ZNF112: variants seen among roughly 807,000 people sequenced by gnomAD.
ZNF112 encodes the protein zinc finger protein 112.
A neutral mutation model predicts 77.7 loss-of-function variants in ZNF112; 37 were observed. The observed-to-expected ratio is 0.48, with a 90% CI of 0.37 to 0.63. ZNF112 has a LOEUF of 0.63. Among genes scored for constraint, ZNF112 ranks in the 20% least tolerant of loss-of-function variants. The pLI is 0.00. For synonymous variants in ZNF112, 333 were observed against 363.6 expected, an observed-to-expected ratio of 0.92 and a Z score of 0.96; for missense variants, 950 against 1,077.4, an observed-to-expected ratio of 0.88 and a Z score of 1.66.
At chr19:44,346,654 T>G (rs1390910647) in intron 1 of ZNF112, among the ~76,000 whole-genome samples, 1 of 152,162 alleles carries the variant, frequency 6.6e-6, no homozygotes, top group East Asian at 1.9e-4. Context: ...CTCACTGAGT[T>G]GAAGGTCCCC....
At chr19:44,367,097 T>C (rs996811880) in exon 1 of ZNF112, 2 of 456,090 alleles carry the variant, frequency 4.4e-6, no homozygotes, top group Non-Finnish European at 8.8e-6. Context: ...CCCAACCCCA[T>C]CTTCCACTGC....
intron 3 of ZNF112, among the ~76,000 whole-genome samples, chr19:44,335,904 A>G (rs1970356496): frequency 6.6e-6 from 1 of 152,224 alleles, no homozygotes; most frequent in African/African-American, 2.4e-5. Context: ...AACTATCAAA[A>G]TGTTTGGATT....
At chr19:44,354,319 T>C (rs1970746734) in intron 1 of ZNF112, among the ~76,000 whole-genome samples, 2 of 152,130 alleles carry the variant, frequency 1.3e-5, no homozygotes, top group Non-Finnish European at 2.9e-5. Flanking sequence ...TGTGTTGTAA[T>C]AGAATTGTAT....
At chr19:44,362,030 A>C (rs760453329) in intron 1 of ZNF112, among the ~76,000 whole-genome samples, 2 of 152,226 alleles carry the variant, frequency 1.3e-5, no homozygotes, top group Non-Finnish European at 2.9e-5. Context: ...TTCAGAACTT[A>C]GAGGGAAGGG....
intron 1 of ZNF112, among the ~76,000 whole-genome samples, chr19:44,366,540 C>G (rs554686299): frequency 6.6e-6 from 1 of 152,284 alleles, no homozygotes; most frequent in East Asian, 1.9e-4. Flanking sequence ...GTCATTCTTT[C>G]CTCATTCCTG....
At chr19:44,349,907 T>G (rs570660360) in intron 1 of ZNF112, among the ~76,000 whole-genome samples, 2 of 152,178 alleles carry the variant, frequency 1.3e-5, no homozygotes, top group South Asian at 2.1e-4. Flanking sequence ...TTTATTTGGC[T>G]CTTGATTTCA....
Position 44,327,888 on chromosome 19 carries a change from G to A in ZNF112, c.2269C>T (p.Arg757Cys), listed in dbSNP as rs374585313. The change falls in exon 4 of 4, where the codon CGC (arginine) becomes TGC (cysteine). Residue 757 changes from arginine (R) to cysteine (C), a missense_variant. Arg to Cys is a radical substitution (Grantham distance 180, BLOSUM62 -3). This residue lies in a region of ZNF112 where 373 missense variants were observed against 482.8 expected (regional missense o/e 0.77). Transcript: ENST00000354340. Reference sequence around the variant, plus strand: ...TGAACCCTCCGATGTGCTTCAAGGCGCGAACTCTGACTAAAGCCCTTCCCA... The same window carrying A: ...TGAACCCTCCGATGTGCTTCAAGGCACGAACTCTGACTAAAGCCCTTCCCA... ...MCGKGFSQSS[R>C]LEAHRRVHTG... 25 of 1,612,748 alleles carry A rather than the reference G, an allele frequency of 1.6e-5. No homozygotes were observed. Among genetic ancestry groups the A allele is most frequent in the South Asian group, 3.3e-5 (3 of 91,004 alleles).
At position 44,367,162 on chromosome 19, in the gene ZNF112, A is replaced by G; in HGVS notation, c.-65T>C. 4 of 456,116 alleles carry G rather than the reference A, an allele frequency of 8.8e-6. No homozygotes were observed. In the Admixed American group the frequency reaches 9.4e-5, roughly 11 times the overall value. The allele number at this position is 456,116 out of a possible 1,614,324, so 28.3% of individuals were successfully genotyped here. A position where few individuals can be genotyped will look rare whatever the true frequency, so the allele number is the denominator to read the frequency against. On this transcript the variant is annotated 5_prime_UTR_variant, in exon 1 of 5. Transcript: ENST00000588057. ...GAGGGCCGCCGCCAGGCTAAACGAA[A>G]CATTGCTGTCTCAGGCCTCACTCAA...
At chr19:44,355,193 TA>T (rs781124769) in intron 1 of ZNF112, among the ~76,000 whole-genome samples, 74 of 152,240 alleles carry the variant, frequency 4.9e-4, no homozygotes, top group Non-Finnish European at 4.4e-4. Context: ...ATTTCCATAG[TA>T]AAAACTTAAG....
chr19:44,357,331 A>T (rs533271008), upstream of ZNF112, among the ~76,000 whole-genome samples: 38 of 152,334 alleles, frequency 2.5e-4, no homozygotes, highest in African/African-American at 8.4e-4. Flanking sequence ...ATACAGGAAG[A>T]AAAAAGAAAA....
chr19:44,335,297 A>G (rs915939554), intron 3 of ZNF112, among the ~76,000 whole-genome samples: 1 of 152,210 alleles, frequency 6.6e-6, no homozygotes, highest in African/African-American at 2.4e-5. Context: ...CTGTAGCCCC[A>G]TTGTATCTTG....
At chr19:44,352,876 A>G (rs1365386205) in intron 1 of ZNF112, among the ~76,000 whole-genome samples, 1 of 152,126 alleles carries the variant, frequency 6.6e-6, no homozygotes, top group Non-Finnish European at 1.5e-5. Context: ...GGGACATGTT[A>G]TATCAATGAA....
At chr19:44,359,355 G>A (rs1422434758), upstream of ZNF112, among the ~76,000 whole-genome samples, 3 of 106,212 alleles carry the variant, frequency 2.8e-5, no homozygotes, top group Non-Finnish European at 5.1e-5. Context: ...TGAGAGTCTC[G>A]CTCTGTTCCC....
Position 44,340,559 on chromosome 19 carries a change from A to C in ZNF112, c.-3-17T>G. ...CACCATCTCCTACAATGCCAAACAC[A>C]TGCACACTAAGTTTACAGAAGAAGG... On this transcript the variant is annotated splice_polypyrimidine_tract_variant and intron_variant, in intron 1 of 3. Transcript: ENST00000354340. 6.2e-7 allele frequency: 1 copy of C among 1,613,630 alleles called. No homozygotes were observed. Among genetic ancestry groups the C allele is most frequent in the African/African-American group, 1.3e-5 (1 of 75,010 alleles).
At chr19:44,348,331 G>C (rs1024038794) in intron 1 of ZNF112, among the ~76,000 whole-genome samples, 1 of 151,988 alleles carries the variant, frequency 6.6e-6, no homozygotes, top group African/African-American at 2.4e-5. Context: ...TTAGACTTCT[G>C]ATATTGTCCC....
At chr19:44,362,959 CA>C (rs578200870) in intron 1 of ZNF112, among the ~76,000 whole-genome samples, 70 of 152,046 alleles carry the variant, frequency 4.6e-4, no homozygotes, top group Non-Finnish European at 8.5e-4. Context: ...CTGTTTTTCT[CA>C]ATATTTTACT....
At chr19:44,366,971 G>C (rs1476741645) in intron 1 of ZNF112, 2 of 448,918 alleles carry the variant, frequency 4.5e-6, no homozygotes, top group Non-Finnish European at 8.9e-6. Flanking sequence ...ACCCCTAGAA[G>C]GTGGCAGAAC....
rs117131867 is a variant in ZNF112 at position 44,329,916 on chromosome 19, T to C, written c.241A>G (p.Met81Val). ...ACTGTTACTTCCTGAATACTCTCCA[T>C]CTTTTGTTGATTCTTCCTTCCTATA... ...GCSGRKNQQK[M>V]ESIQEVTVSY... Residue 81 changes from methionine (M) to valine (V), a missense_variant, in exon 4 of 4, where the codon ATG becomes GTG. Physicochemically the swap from Met to Val is conservative, Grantham distance 21. This residue lies in a region of ZNF112 where 560 missense variants were observed against 557.3 expected (regional missense o/e 1.00). Transcript: ENST00000354340. The C allele has an allele frequency of 1.9e-3, 3,045 of 1,611,396 alleles. 4 individuals carry two copies. Among genetic ancestry groups the C allele is most frequent in the Non-Finnish European group, 2.3e-3 (2,751 of 1,178,290 alleles).
In ZNF112 at chr19:44,328,182, A is replaced by G; in HGVS notation, c.1975T>C (p.Tyr659His). 4 of 1,614,044 alleles carry G rather than the reference A, an allele frequency of 2.5e-6. No homozygotes were observed. The highest frequency in any genetic ancestry group is 3.4e-6 in the Non-Finnish European group (4 of 1,179,968). The change falls in exon 4 of 4, where the codon TAT becomes CAT. Residue 659 changes from tyrosine to histidine, a missense_variant. Physicochemically the swap from Tyr to His is moderately conservative, Grantham distance 83 (BLOSUM62 2). Coordinates refer to ENST00000354340, the MANE Select transcript of ZNF112 (RefSeq NM_013380.4). ...CCTTTACCACATTCTTCACATTTAT[A>G]GGGTTTTTCTCCTGTGTGAACCCTC... ...HQRVHTGEKP[Y>H]KCEECGKGFS...
Sources: gnomAD v4.1 joint callset for allele counts (sites outside exome capture counted in the v4.1 genomes callset) on GRCh38, gnomAD v4.1.1 for gene constraint, gnomAD v4.1.1 regional missense constraint, MANE v1.5 for transcripts, NCBI Gene and HGNC (gene_info 2026-07-23, HGNC 2026-07-21) for gene names.